The following AMBRA1 variants were observed in gnomAD, a reference collection of about 807,000 sequenced individuals.
AMBRA1 encodes the protein activating molecule in BECN1-regulated autophagy protein 1.
In AMBRA1, 47 loss-of-function variants were observed where a neutral mutation model predicts 125.4. The observed-to-expected ratio is 0.37, with a 90% CI of 0.30 to 0.48. The LOEUF is 0.48. Ranked by LOEUF, AMBRA1 falls within the 20% of genes least tolerant of loss-of-function variation. AMBRA1 has a pLI of 0.99. For missense variants in AMBRA1, 1,331 were observed against 1,693.4 expected (o/e 0.79, Z 3.76); for synonymous variants, 626 against 655.5 (o/e 0.95, Z 0.69).
intron 1 of AMBRA1, among the ~76,000 whole-genome samples, chr11:46,587,238 G>A (rs371847168): frequency 6.6e-6 from 1 of 151,906 alleles, no homozygotes; most frequent in African/African-American, 2.4e-5. Context: ...AAATTAGCCG[G>A]ACGTGGTGGC....
Position 46,494,136 on chromosome 11 carries a change from C to T in AMBRA1, c.2408G>A (p.Arg803His). 1.2e-6 allele frequency: 2 copies of T among 1,607,472 alleles called. No homozygotes were observed. The highest frequency in any genetic ancestry group is 8.5e-7 in the Non-Finnish European group (1 of 1,176,522). The change falls in exon 10 of 18, where the codon CGC (arginine) becomes CAC (histidine). Residue 803 changes from arginine (R) to histidine (H), a missense_variant. Arg to His is a conservative substitution (Grantham distance 29). This residue lies in a region of AMBRA1 where 354 missense variants were observed against 532.7 expected (regional missense o/e 0.66). Transcript: ENST00000683756. ...NARMSAPSLG[R>H]FVPRRFLLPE... The stretch of plus-strand genomic sequence containing the variant: ...ACTCGGTTCTTACCTTGGGACAAAG[C>T]GTCCAAGCGAAGGTGCAGACATCCG...
intron 1 of AMBRA1, among the ~76,000 whole-genome samples, chr11:46,586,649 C>G (rs2044412162): frequency 1.3e-5 from 2 of 152,166 alleles, no homozygotes; most frequent in South Asian, 4.1e-4. Context: ...TTGTTACTAA[C>G]AACTGGCATA....
rs544090913 is a variant in AMBRA1, at chr11:46,589,027, T to C, written c.-121+4801A>G. Among the ~76,000 whole-genome samples the C allele has an allele frequency of 1.1e-4, 16 of 152,276 alleles. No individual in the cohort carries two copies. In the South Asian group the frequency reaches 1.7e-3, roughly 16 times the overall value. The stretch of plus-strand genomic sequence containing the variant: ...AATGAAATAACACATGTAAAGAACA[T>C]GACACAGTAAATGCTCAATAAAGGA... On this transcript the variant is annotated intron_variant, in intron 1 of 17. Transcript: ENST00000683756.
At chr11:46,558,133 ACCAT>A (rs2043213452) in intron 1 of AMBRA1, among the ~76,000 whole-genome samples, 1 of 152,212 alleles carries the variant, frequency 6.6e-6, no homozygotes, top group African/African-American at 2.4e-5. Context: ...GGGGAGAAGG[ACCAT>A]CCAGACAAGT....
intron 8 of AMBRA1, among the ~76,000 whole-genome samples, chr11:46,510,575 A>G: frequency 6.6e-6 from 1 of 152,220 alleles, no homozygotes; most frequent in Admixed American, 6.5e-5. Context: ...ACATAATATT[A>G]TTGGTGATAG....
At chr11:46,518,684 C>T (rs1186550498) in intron 7 of AMBRA1, among the ~76,000 whole-genome samples, 2 of 151,970 alleles carry the variant, frequency 1.3e-5, no homozygotes, top group African/African-American at 4.8e-5. Context: ...AAAACATTTG[C>T]TTACATAGAA....
rs150383390 is a variant in AMBRA1, at chr11:46,459,836, T to G, written c.2522-16238A>C. 4.4e-3 allele frequency among the ~76,000 whole-genome samples: 675 copies of G among 152,084 alleles called. 6 individuals are homozygous for G. The highest frequency in any genetic ancestry group is 0.016 in the African/African-American group (647 of 41,512). On this transcript the variant is annotated intron_variant, in intron 11 of 17. Coordinates refer to ENST00000683756, the MANE Select transcript of AMBRA1 (RefSeq NM_001387011.1). ...TTTTACTATTTAATCTCCATTGTATTTGACATATACATTTACTTATTCCAT... is the reference window on the plus strand; with the variant it reads ...TTTTACTATTTAATCTCCATTGTATGTGACATATACATTTACTTATTCCAT...
At chr11:46,508,097 A>C in intron 9 of AMBRA1, 94 bp downstream of exon 9, 1 of 1,343,894 alleles carries the variant, frequency 7.4e-7, no homozygotes, top group Non-Finnish European at 1.0e-6. Flanking sequence ...GTTGGGAGCA[A>C]GAACATCCAC....
intron 7 of AMBRA1, among the ~76,000 whole-genome samples, chr11:46,522,008 T>G (rs1951781985): frequency 6.6e-6 from 1 of 152,216 alleles, no homozygotes; most frequent in South Asian, 2.1e-4. Context: ...ATTAATGTAT[T>G]CCTCAGTGCC....
intron 12 of AMBRA1, 71 bp downstream of exon 12, chr11:46,443,417 T>C: frequency 1.6e-6 from 2 of 1,250,948 alleles, no homozygotes; most frequent in Non-Finnish European, 2.3e-6. Context: ...CAGTGCTCCA[T>C]GAATTTTTGA....
At chr11:46,447,773 TA>T (rs1948376469) in intron 11 of AMBRA1, among the ~76,000 whole-genome samples, 1 of 119,316 alleles carries the variant, frequency 8.4e-6, no homozygotes, top group East Asian at 2.3e-4. Flanking sequence ...GATAGATAGA[TA>T]GATAGTGATG....
intron 1 of AMBRA1, among the ~76,000 whole-genome samples, chr11:46,592,092 T>C (rs1005356946): frequency 5.9e-5 from 9 of 151,290 alleles, no homozygotes; most frequent in Non-Finnish European, 1.3e-4. Flanking sequence ...ATTACAGGCA[T>C]GCGCCACCAC....
chr11:46,543,458 A>G, intron 6 of AMBRA1, 60 bp from the exon 7 acceptor site: 1 of 1,570,384 alleles, frequency 6.4e-7, no homozygotes, highest in Non-Finnish European at 8.6e-7. Context: ...AGAACCTCCA[A>G]GTAAATCAAG....
intron 1 of AMBRA1, among the ~76,000 whole-genome samples, chr11:46,584,919 A>T (rs969745554): frequency 1.3e-5 from 2 of 152,132 alleles, no homozygotes; most frequent in African/African-American, 4.8e-5. Flanking sequence ...TAAAAATACA[A>T]AAATTAGCTG....
chr11:46,567,817 C>A (rs2043588725), intron 1 of AMBRA1, among the ~76,000 whole-genome samples: 1 of 152,116 alleles, frequency 6.6e-6, no homozygotes, highest in African/African-American at 2.4e-5. Flanking sequence ...TCAGCAGCAC[C>A]CATTCCCTAG....
chr11:46,538,010 C>G (rs970978937), intron 7 of AMBRA1, among the ~76,000 whole-genome samples: 2 of 152,202 alleles, frequency 1.3e-5, no homozygotes, highest in Admixed American at 1.3e-4. Flanking sequence ...AGCAGCCCAA[C>G]AGTGACACCT....
rs11824513 is a variant in AMBRA1 at position 46,511,256 on chromosome 11, G to A, written c.2159+1471C>T. ...AATTCCTTTCCCTTATATTTAGGGT[G>A]TATAATCCTCAAACATCATTAGAGA... On this transcript the variant is annotated intron_variant, in intron 8 of 17. Coordinates refer to ENST00000683756, the MANE Select transcript of AMBRA1 (RefSeq NM_001387011.1). Among the ~76,000 whole-genome samples the A allele has an allele frequency of 8.7e-3, 1,318 of 152,300 alleles. 10 individuals carry two copies. The highest frequency in any genetic ancestry group is 0.031 in the African/African-American group (1,271 of 41,562).
At chr11:46,446,739 C>T (rs908722854) in intron 11 of AMBRA1, among the ~76,000 whole-genome samples, 11 of 152,192 alleles carry the variant, frequency 7.2e-5, no homozygotes, top group Non-Finnish European at 1.5e-5. Context: ...AAAATCATTC[C>T]TAGTTGAGAA....
At chr11:46,513,127 T>C (rs527612227) in intron 7 of AMBRA1, among the ~76,000 whole-genome samples, 13 of 152,308 alleles carry the variant, frequency 8.5e-5, no homozygotes, top group East Asian at 5.8e-4. Context: ...AAGGTTCGGA[T>C]CAACACAGGA....
Sources: gnomAD v4.1 joint callset for allele counts (sites outside exome capture counted in the v4.1 genomes callset) on GRCh38, gnomAD v4.1.1 for gene constraint, gnomAD v4.1.1 regional missense constraint, MANE v1.5 for transcripts, NCBI Gene and HGNC (gene_info 2026-07-23, HGNC 2026-07-21) for gene names.